Variants in MIER3 observed in about 807,000 individuals in gnomAD.
The protein encoded by MIER3 is MIER family member 3.
MIER3 carries 9 observed loss-of-function variants against 63.2 expected under a neutral mutation model. The observed-to-expected ratio is 0.14, with a 90% CI of 0.09 to 0.25. The LOEUF is 0.25. Among genes scored for constraint, MIER3 ranks in the 10% least tolerant of loss-of-function variants. The pLI, the probability that MIER3 is intolerant of heterozygous loss-of-function variation, is 1.00. For missense variants in MIER3, 512 were observed against 666.2 expected, an observed-to-expected ratio of 0.77 and a Z score of 2.55; for synonymous variants, 205 against 224.9, an observed-to-expected ratio of 0.91 and a Z score of 0.79.
At chr5:56,950,238 T>C (rs923979527) in intron 2 of MIER3, among the ~76,000 whole-genome samples, 1 of 152,210 alleles carries the variant, frequency 6.6e-6, no homozygotes, top group South Asian at 2.1e-4. Flanking sequence ...TTACAGTTAG[T>C]GAAGTAGTCC....
chr5:56,928,371 T>A (rs532536569), intron 10 of MIER3: 1 of 153,794 alleles, frequency 6.5e-6, no homozygotes, highest in African/African-American at 2.4e-5. Flanking sequence ...TTTGGTGGTG[T>A]TAGAATATGT....
chr5:56,937,581 G>T lies in MIER3; in HGVS notation c.433C>A (p.Arg145=). 1.9e-6 allele frequency: 3 copies of T among 1,602,456 alleles called. No homozygotes were observed. Among genetic ancestry groups the T allele is most frequent in the Non-Finnish European group, 2.6e-6 (3 of 1,173,824 alleles). Residue 145 remains arginine, a synonymous_variant, in exon 5 of 13, where the codon CGA becomes AGA. Coordinates refer to ENST00000381199, the MANE Select transcript of MIER3 (RefSeq NM_001297599.2). ...ETSDFFPRPL[R]SNTACDGDKE... The stretch of plus-strand genomic sequence containing the variant: ...AGTAATCCACTGGGTTTCTTACATC[G>T]TAAAGGCCTAGGGAAGAAATCAGAA...
At chr5:56,947,212 T>C in intron 2 of MIER3, 141 bp from the exon 3 acceptor site, 3 of 817,072 alleles carry the variant, frequency 3.7e-6, no homozygotes, top group Non-Finnish European at 5.4e-6. Context: ...AATTTATAGG[T>C]TATAAATTAA....
Position 56,937,710 on chromosome 5 carries a change from A to G in MIER3, c.316-12T>C, listed in dbSNP as rs757180981. The G allele has an allele frequency of 3.7e-6, 6 of 1,604,954 alleles. No homozygotes were observed. The South Asian group carries it at 6.7e-5, about 18-fold the overall frequency. On this transcript the variant is annotated splice_polypyrimidine_tract_variant and intron_variant, in intron 4 of 12. Coordinates refer to ENST00000381199, the MANE Select transcript of MIER3 (RefSeq NM_001297599.2). Reference sequence around the variant, plus strand: ...TTTGCTATTTCCTCCTGGAAGAATAAGAAGGCAGTGCTACAGTTAGAAATG... The same window carrying G: ...TTTGCTATTTCCTCCTGGAAGAATAGGAAGGCAGTGCTACAGTTAGAAATG...
Position 56,923,128 on chromosome 5 carries a change from T to C in MIER3, c.1653A>G (p.Ter551TrpextTer3). 1 of 1,611,094 alleles carries C rather than the reference T, an allele frequency of 6.2e-7. No individual in the cohort carries two copies. The highest frequency in any genetic ancestry group is 1.1e-5 in the South Asian group (1 of 91,026). Reference protein sequence around the residue: ...LHQHAALHSE* With the variant: ...LHQHAALHSEW Reference sequence around the variant, plus strand: ...CGCAGTTCCGGGATCCTCACTCAGGTCACTCAGAGTGTAGGGCCGCGTGCT... The same window carrying C: ...CGCAGTTCCGGGATCCTCACTCAGGCCACTCAGAGTGTAGGGCCGCGTGCT... The change falls in exon 13 of 13, where the codon TGA becomes TGG. Residue 551 changes from the stop codon to tryptophan (W), a stop_lost. Coordinates refer to ENST00000381199, the MANE Select transcript of MIER3 (RefSeq NM_001297599.2).
chr5:56,942,169 T>C (rs1427373283), intron 3 of MIER3, among the ~76,000 whole-genome samples: 1 of 152,112 alleles, frequency 6.6e-6, no homozygotes, highest in African/African-American at 2.4e-5. Flanking sequence ...TTCATTAGCA[T>C]CTAGATGATA....
chr5:56,950,693 C>T, intron 1 of MIER3, 41 bp from the exon 2 acceptor site: 2 of 1,610,698 alleles, frequency 1.2e-6, no homozygotes, highest in Non-Finnish European at 1.7e-6. Context: ...GATCGCACAG[C>T]CAGGGAAAGA....
At chr5:56,925,439 G>C in intron 10 of MIER3, 1 of 395,702 alleles carries the variant, frequency 2.5e-6, no homozygotes, top group Non-Finnish European at 5.0e-6. Flanking sequence ...ATACACAAAA[G>C]TCAACTGCTT....
At chr5:56,938,769 C>A (rs1173022049) in intron 4 of MIER3, 114 bp downstream of exon 4, 5 of 1,384,410 alleles carry the variant, frequency 3.6e-6, no homozygotes, top group Non-Finnish European at 4.9e-6. Context: ...AAAATAAGCA[C>A]AATGGGTCAA....
chr5:56,934,870 C>T (rs1351946370), intron 7 of MIER3, among the ~76,000 whole-genome samples: 1 of 152,180 alleles, frequency 6.6e-6, no homozygotes, highest in Non-Finnish European at 1.5e-5. Context: ...ATTTTTATAT[C>T]CTACTACCTT....
rs1472962549 is a variant in MIER3 at position 56,941,158 on chromosome 5, A to C, written c.181-2141T>G. 3 of 985,154 alleles carry C rather than the reference A, an allele frequency of 3.0e-6. No individual in the cohort carries two copies. The East Asian group carries it at 3.4e-4, about 112-fold the overall frequency. 61.0% of individuals were successfully genotyped at this position (985,154 alleles called of 1,614,324 possible). A position where few individuals can be genotyped will look rare whatever the true frequency, so the allele number is the denominator to read the frequency against. The stretch of plus-strand genomic sequence containing the variant: ...TAGTGGGAGGAACTTAGTGGGAGTA[A>C]GTCTCAAAGTCTGTAAGGATGTAAG... On this transcript the variant is annotated intron_variant, in intron 3 of 12. Coordinates refer to ENST00000381199, the MANE Select transcript of MIER3 (RefSeq NM_001297599.2).
At chr5:56,949,547 G>A (rs539672442) in intron 2 of MIER3, among the ~76,000 whole-genome samples, 2 of 152,226 alleles carry the variant, frequency 1.3e-5, no homozygotes, top group East Asian at 3.9e-4. Flanking sequence ...AAAATTTTTA[G>A]AATTTTAAAG....
chr5:56,936,657 C>CA (rs1750458121), intron 5 of MIER3, among the ~76,000 whole-genome samples: 1 of 152,162 alleles, frequency 6.6e-6, no homozygotes, highest in African/African-American at 2.4e-5. Context: ...ACTACATGTG[C>CA]ATGCCACTAT....
intron 10 of MIER3, among the ~76,000 whole-genome samples, chr5:56,924,708 C>T (rs1354608654): frequency 6.6e-6 from 1 of 152,216 alleles, no homozygotes; most frequent in Non-Finnish European, 1.5e-5. Flanking sequence ...CTTGGCTCCA[C>T]ACCCAAACCA....
intron 4 of MIER3, 99 bp downstream of exon 4, chr5:56,938,784 A>G: frequency 2.1e-6 from 3 of 1,451,076 alleles, no homozygotes; most frequent in Admixed American, 2.1e-5. Context: ...GGTCAACAAG[A>G]AGTTTACATT....
intron 10 of MIER3, among the ~76,000 whole-genome samples, chr5:56,927,251 T>A (rs1273698701): frequency 6.6e-6 from 1 of 152,146 alleles, no homozygotes; most frequent in Non-Finnish European, 1.5e-5. Context: ...GGACTTTAAT[T>A]AATAATAATG....
chr5:56,924,568 C>T (rs981208526), intron 10 of MIER3, among the ~76,000 whole-genome samples: 3 of 152,160 alleles, frequency 2.0e-5, no homozygotes, highest in Admixed American at 1.3e-4. Flanking sequence ...GCAAATGGAC[C>T]AACGGTCTAC....
chr5:56,944,691 CTGG>C (rs1287244366), intron 3 of MIER3, among the ~76,000 whole-genome samples: 3 of 152,216 alleles, frequency 2.0e-5, no homozygotes, highest in African/African-American at 7.2e-5. Context: ...GTTTAAATGT[CTGG>C]TGATCTTTTT....
chr5:56,924,172 T>A, intron 10 of MIER3, 130 bp from the exon 11 acceptor site: 1 of 858,776 alleles, frequency 1.2e-6, no homozygotes, highest in Non-Finnish European at 1.7e-6. Flanking sequence ...TGAACACTTT[T>A]AATAAATTAT....
Sources: gnomAD v4.1 joint callset for allele counts (sites outside exome capture counted in the v4.1 genomes callset) on GRCh38, gnomAD v4.1.1 for gene constraint, MANE v1.5 for transcripts, NCBI Gene and HGNC (gene_info 2026-07-23, HGNC 2026-07-21) for gene names.